Variants in IQCH observed in about 807,000 individuals in gnomAD.
IQCH encodes IQ motif containing H, also known as IQ domain-containing protein H.
A neutral mutation model predicts 117.0 loss-of-function variants in IQCH; 98 were observed. The ratio of observed to expected loss-of-function variants is 0.84; its 90% confidence interval spans 0.71 to 0.99. The LOEUF (loss-of-function observed/expected upper bound fraction) is 0.99, where lower values mean the gene tolerates loss of function less well. Ranked by LOEUF, IQCH falls within the 50% of genes least tolerant of loss-of-function variation. The pLI, the probability that IQCH is intolerant of heterozygous loss-of-function variation, is 0.00. For synonymous variants in IQCH, 412 were observed against 448.2 expected, an observed-to-expected ratio of 0.92 and a Z score of 1.02; for missense variants, 1,102 against 1,243.8, an observed-to-expected ratio of 0.89 and a Z score of 1.72.
At chr15:67,409,293 C>CT in intron 14 of IQCH, among the ~76,000 whole-genome samples, 1 of 152,264 alleles carries the variant, frequency 6.6e-6, no homozygotes, top group East Asian at 1.9e-4. Context: ...AGCATTTAAT[C>CT]TTTATCTATT....
rs1969910735 is a variant in IQCH at position 67,356,950 on chromosome 15, C to T, written c.638-395C>T. 6.6e-6 allele frequency among the ~76,000 whole-genome samples: 1 copy of T among 152,070 alleles called. No individual in the cohort carries two copies. The highest frequency in any genetic ancestry group is 2.4e-5 in the African/African-American group (1 of 41,392). On this transcript the variant is annotated intron_variant, in intron 6 of 20. Coordinates refer to ENST00000335894, the MANE Select transcript of IQCH (RefSeq NM_001031715.3). The surrounding 1 kb of genome is among the most constrained non-coding windows in gnomAD (Gnocchi z 5.3). Reference sequence around the variant, plus strand: ...TTTTTTTTTACACAATAGAATAGTCCATATGTAGCTATGTTAAATCACATT... The same window carrying T: ...TTTTTTTTTACACAATAGAATAGTCTATATGTAGCTATGTTAAATCACATT...
chr15:67,398,573 C>T (rs1165823376), intron 13 of IQCH, among the ~76,000 whole-genome samples: 3 of 152,126 alleles, frequency 2.0e-5, no homozygotes, highest in African/African-American at 7.2e-5. Context: ...TTTGCTGTCT[C>T]TTCCACACTG....
Position 67,413,101 on chromosome 15 carries a change from C to A in IQCH, c.2098-3830C>A, listed in dbSNP as rs201294930. Among the ~76,000 whole-genome samples, 1 of 134,432 alleles carries A rather than the reference C, an allele frequency of 7.4e-6. No individual in the cohort carries two copies. Among genetic ancestry groups the A allele is most frequent in the African/African-American group, 3.0e-5 (1 of 33,694 alleles). The allele number at this position is 134,432 out of a possible 152,430, so 88.2% of individuals were successfully genotyped here. ...TGTGTGTGTGTGTGTGTGTGTGTGT[C>A]TGTGTGTACATAAGTTTGTTTTGAA... On this transcript the variant is annotated intron_variant, in intron 14 of 20. Transcript: ENST00000335894. The surrounding 1 kb of genome is among the most constrained non-coding windows in gnomAD (Gnocchi z 5.0).
chr15:67,442,448 T>G (rs2082293803), intron 16 of IQCH, among the ~76,000 whole-genome samples: 1 of 151,880 alleles, frequency 6.6e-6, no homozygotes, highest in Non-Finnish European at 1.5e-5. Flanking sequence ...TCACTAATGT[T>G]CAGGGAAATG....
Position 67,391,513 on chromosome 15 carries a change from A to G in IQCH, c.1632+2507A>G, listed in dbSNP as rs919151912. Reference sequence around the variant, plus strand: ...TAATGGTAAAATGTGCTCTTTATAAAAGTCATTATGTCTATTTTTAGACAT... The same window carrying G: ...TAATGGTAAAATGTGCTCTTTATAAGAGTCATTATGTCTATTTTTAGACAT... On this transcript the variant is annotated intron_variant, in intron 12 of 20. Transcript: ENST00000335894. This position sits in a 1 kb window ranked among gnomAD's most constrained non-coding sequence, Gnocchi z 4.3. Among the ~76,000 whole-genome samples, 6 of 152,302 alleles carry G rather than the reference A, an allele frequency of 3.9e-5. No homozygotes were observed. The South Asian group carries it at 8.3e-4, about 21-fold the overall frequency.
At chr15:67,275,359 T>G (rs1966079912) in intron 3 of IQCH, among the ~76,000 whole-genome samples, 1 of 152,090 alleles carries the variant, frequency 6.6e-6, no homozygotes, top group African/African-American at 2.4e-5. Context: ...CTGATTTCCT[T>G]TCCATCTGCT....
chr15:67,487,853 G>C (rs980644692), intron 18 of IQCH, among the ~76,000 whole-genome samples: 2 of 152,030 alleles, frequency 1.3e-5, no homozygotes, highest in Non-Finnish European at 2.9e-5. Context: ...CCAGTGATGG[G>C]AAGTTCACAA....
chr15:67,301,292 G>A (rs1967014009), intron 4 of IQCH, among the ~76,000 whole-genome samples: 1 of 151,438 alleles, frequency 6.6e-6, no homozygotes, highest in African/African-American at 2.4e-5. Context: ...TCATAATACA[G>A]CTATGCTTAT....
intron 16 of IQCH, among the ~76,000 whole-genome samples, chr15:67,439,939 T>A (rs904147462): frequency 6.6e-6 from 1 of 150,650 alleles, no homozygotes; most frequent in Non-Finnish European, 1.5e-5. Flanking sequence ...AACTGGTTCT[T>A]TGAAAAGATA....
rs1965399519 is a variant in IQCH, at chr15:67,260,164, TAAATTTGCATAACA to T, written c.52-1103_52-1090del. On this transcript the variant is annotated intron_variant, in intron 1 of 20. Coordinates refer to ENST00000335894, the MANE Select transcript of IQCH (RefSeq NM_001031715.3). ...ATTGCTGAAACAGGTGTTGGGTTCATAAATTTGCATAACAAAATGTTTTTCTTGTGGCAGCAGCC... is the reference window on the plus strand; with the variant it reads ...ATTGCTGAAACAGGTGTTGGGTTCATAAATGTTTTTCTTGTGGCAGCAGCC... Among the ~76,000 whole-genome samples the T allele has an allele frequency of 2.0e-5, 3 of 152,236 alleles. No individual in the cohort carries two copies. In the South Asian group the frequency reaches 6.2e-4, roughly 31 times the overall value.
At chr15:67,373,704 A>G in intron 10 of IQCH, 1 of 544,124 alleles carries the variant, frequency 1.8e-6, no homozygotes, top group Non-Finnish European at 3.2e-6. Context: ...AATGAACTAA[A>G]AAGTTGTATT....
At position 67,390,419 on chromosome 15, in the gene IQCH, G is replaced by A. The variant is rs956958150; in HGVS notation, c.1632+1413G>A. 6.6e-5 allele frequency among the ~76,000 whole-genome samples: 10 copies of A among 152,164 alleles called. No individual in the cohort carries two copies. Among genetic ancestry groups the A allele is most frequent in the Non-Finnish European group, 1.3e-4 (9 of 68,022 alleles). ...ATACATTAAAGAGGCATAGAATGGG[G>A]AAGGGGCACTAGATTGGGGAGAAAA... On this transcript the variant is annotated intron_variant, in intron 12 of 20. Transcript: ENST00000335894. This position sits in a 1 kb window ranked among gnomAD's most constrained non-coding sequence, Gnocchi z 5.0.
intron 3 of IQCH, among the ~76,000 whole-genome samples, chr15:67,270,150 A>G (rs1965842857): frequency 1.3e-5 from 2 of 152,178 alleles, no homozygotes; most frequent in Admixed American, 1.3e-4. Flanking sequence ...TGAATATAAG[A>G]TCATGTTGTC....
In IQCH at chr15:67,393,701, T is replaced by C. The variant is rs1402959631; in HGVS notation, c.1633-1590T>C. Among the ~76,000 whole-genome samples, 1 of 151,848 alleles carries C rather than the reference T, an allele frequency of 6.6e-6. No individual in the cohort carries two copies. The highest frequency in any genetic ancestry group is 2.4e-5 in the African/African-American group (1 of 41,326). On this transcript the variant is annotated intron_variant, in intron 12 of 20. Coordinates refer to ENST00000335894, the MANE Select transcript of IQCH (RefSeq NM_001031715.3). This position sits in a 1 kb window ranked among gnomAD's most constrained non-coding sequence, Gnocchi z 5.5. ...CATACCTGGCTAATTTTTTTGTAGA[T>C]AGGGGGTTTTGCCACGTTGCCCAGG...
chr15:67,450,391 C>T (rs200635352), intron 16 of IQCH, among the ~76,000 whole-genome samples: 276 of 152,158 alleles, frequency 1.8e-3, no homozygotes, highest in Non-Finnish European at 2.7e-3. Context: ...TTTTGAGATA[C>T]GACCCATCAA....
At chr15:67,396,838 T>A (rs1050133809) in intron 13 of IQCH, among the ~76,000 whole-genome samples, 1 of 152,236 alleles carries the variant, frequency 6.6e-6, no homozygotes, top group Non-Finnish European at 1.5e-5. Flanking sequence ...CAGAGATTAG[T>A]TTGAAGATAC....
chr15:67,423,228 G>C (rs1033952704), intron 16 of IQCH, among the ~76,000 whole-genome samples: 3 of 152,086 alleles, frequency 2.0e-5, no homozygotes, highest in Admixed American at 6.6e-5. Flanking sequence ...AGGGATGCAG[G>C]GGGAGGAGGA....
intron 4 of IQCH, among the ~76,000 whole-genome samples, chr15:67,299,093 AC>A (rs58946192): frequency 0.072 from 10,702 of 147,888 alleles, 402 homozygotes; most frequent in Non-Finnish European, 0.1. Flanking sequence ...AAAAAAAAAA[AC>A]AATGAGATCC....
intron 5 of IQCH, among the ~76,000 whole-genome samples, chr15:67,341,021 G>A (rs535929659): frequency 6.6e-6 from 1 of 152,228 alleles, no homozygotes; most frequent in South Asian, 2.1e-4. Flanking sequence ...AGACCAGCCT[G>A]GGCAAAATGG....
Sources: gnomAD v4.1 joint callset for allele counts (sites outside exome capture counted in the v4.1 genomes callset) on GRCh38, gnomAD v4.1.1 for gene constraint, Gnocchi (gnomAD v3.1) non-coding constraint, MANE v1.5 for transcripts, NCBI Gene and HGNC (gene_info 2026-07-23, HGNC 2026-07-21) for gene names.